The following LPA variants were observed in gnomAD, a reference collection of about 807,000 sequenced individuals.
The protein encoded by LPA is apolipoprotein(a).
In LPA, 199 loss-of-function variants were observed where a neutral mutation model predicts 197.9. The ratio of observed to expected loss-of-function variants is 1.01; its 90% CI spans 0.90 to 1.13. The LOEUF (loss-of-function observed/expected upper bound fraction) is 1.13, where lower values mean the gene tolerates loss of function less well. Among genes scored for constraint, LPA ranks in the 50% most tolerant of loss-of-function variants. The pLI is 0.00. For synonymous variants in LPA, 715 were observed against 639.5 expected (o/e 1.12, Z -1.78); for missense variants, 1,853 against 1,785.8 (o/e 1.04, Z -0.68).
At chr6:160,607,294 T>G (rs540160459) in intron 16 of LPA, among the ~76,000 whole-genome samples, 4 of 152,274 alleles carry the variant, frequency 2.6e-5, no homozygotes, top group African/African-American at 9.6e-5. Context: ...TCTGCAAGAC[T>G]TCTCAAAGCT....
chr6:160,555,916 T>A (rs1778255015), intron 30 of LPA, 109 bp downstream of exon 30: 1 of 1,096,522 alleles, frequency 9.1e-7, no homozygotes, highest in African/African-American at 1.6e-5. Flanking sequence ...TTGACACACC[T>A]TCTGGGTCTA....
chr6:160,661,633 A>G (rs776230606), intron 1 of LPA, among the ~76,000 whole-genome samples: 1 of 152,188 alleles, frequency 6.6e-6, no homozygotes, highest in Admixed American at 6.5e-5. Flanking sequence ...AATATGCTCT[A>G]TGCTGGAAAA....
chr6:160,537,518 G>A (rs1186254782), intron 37 of LPA, among the ~76,000 whole-genome samples: 1 of 152,154 alleles, frequency 6.6e-6, no homozygotes, highest in Non-Finnish European at 1.5e-5. Context: ...CCACTTACCT[G>A]GGGAAGCAAT....
intron 26 of LPA, 60 bp downstream of exon 26, chr6:160,584,986 C>T: frequency 6.4e-7 from 1 of 1,563,032 alleles, no homozygotes; most frequent in Non-Finnish European, 8.8e-7. Context: ...GTAGCATGGG[C>T]CAGCTAAGAG....
At chr6:160,569,096 T>C (rs1778515834) in intron 28 of LPA, among the ~76,000 whole-genome samples, 1 of 152,210 alleles carries the variant, frequency 6.6e-6, no homozygotes, top group Admixed American at 6.5e-5. Flanking sequence ...CCCATCAAGC[T>C]ACCAATGACT....
At chr6:160,583,158 T>A (rs1218274267) in intron 26 of LPA, among the ~76,000 whole-genome samples, 1 of 152,178 alleles carries the variant, frequency 6.6e-6, no homozygotes, top group East Asian at 1.9e-4. Context: ...TTCTGTTATT[T>A]TTATCATTTT....
At chr6:160,594,854 G>T (rs1779099065) in intron 21 of LPA, among the ~76,000 whole-genome samples, 1 of 152,198 alleles carries the variant, frequency 6.6e-6, no homozygotes, top group South Asian at 2.1e-4. Flanking sequence ...TGGAGCATTT[G>T]TTGGCTATGT....
intron 24 of LPA, 59 bp from the exon 25 acceptor site, chr6:160,586,689 G>A (rs916211499): frequency 1.4e-5 from 22 of 1,609,350 alleles, no homozygotes; most frequent in Admixed American, 3.3e-5. Flanking sequence ...GCACCACCTG[G>A]CACCCTCTAT....
intron 28 of LPA, among the ~76,000 whole-genome samples, chr6:160,573,022 A>G (rs1284317136): frequency 6.6e-6 from 1 of 152,106 alleles, no homozygotes; most frequent in Non-Finnish European, 1.5e-5. Context: ...TCCCCCAAAT[A>G]TGTTTTCCAA....
intron 16 of LPA, among the ~76,000 whole-genome samples, chr6:160,610,786 T>C (rs774030162): frequency 6.6e-6 from 1 of 152,076 alleles, no homozygotes; most frequent in Non-Finnish European, 1.5e-5. Flanking sequence ...GCAGGAAGGG[T>C]ATCCAGGAAG....
At chr6:160,571,996 C>T (rs1778571187) in intron 28 of LPA, among the ~76,000 whole-genome samples, 1 of 152,206 alleles carries the variant, frequency 6.6e-6, no homozygotes, top group Non-Finnish European at 1.5e-5. Flanking sequence ...ATCCAGGGCC[C>T]TGGTGGTGTA....
intron 28 of LPA, among the ~76,000 whole-genome samples, chr6:160,576,686 GTGTGTA>G (rs1334970320): frequency 0.12 from 14,050 of 121,584 alleles, 707 homozygotes; most frequent in African/African-American, 0.13. Flanking sequence ...GTGTGTGTGT[GTGTGTA>G]TATATATATA....
chr6:160,647,425 T>G (rs1211206852), intron 2 of LPA, among the ~76,000 whole-genome samples: 1 of 152,126 alleles, frequency 6.6e-6, no homozygotes, highest in African/African-American at 2.4e-5. Context: ...TTATGGGCCA[T>G]GGGGATCCAA....
At chr6:160,653,974 A>T (rs112061390) in intron 1 of LPA, among the ~76,000 whole-genome samples, 1,324 of 16,272 alleles carry the variant, frequency 0.081, 218 homozygotes, top group African/African-American at 0.25. Flanking sequence ...TATTATATAT[A>T]ATATATAATA....
chr6:160,587,003 T>C (rs1325394697), intron 24 of LPA, among the ~76,000 whole-genome samples: 2 of 152,236 alleles, frequency 1.3e-5, no homozygotes, highest in African/African-American at 4.8e-5. Flanking sequence ...CAAATGTTTA[T>C]CTGTCAGGCT....
chr6:160,610,100 G>T (rs191690882), intron 16 of LPA, among the ~76,000 whole-genome samples: 1 of 151,604 alleles, frequency 6.6e-6, no homozygotes, highest in Non-Finnish European at 1.5e-5. Context: ...TCTAATTATC[G>T]ATGTCATTTC....
At chr6:160,661,197 A>T (rs78842012) in intron 1 of LPA, among the ~76,000 whole-genome samples, 4,054 of 101,554 alleles carry the variant, frequency 0.04, no homozygotes, top group African/African-American at 0.099. Context: ...AAAGAGGCTA[A>T]TAAAATGAAG....
At chr6:160,611,039 T>G (rs1479734176) in intron 16 of LPA, among the ~76,000 whole-genome samples, 1 of 152,138 alleles carries the variant, frequency 6.6e-6, no homozygotes, top group African/African-American at 2.4e-5. Flanking sequence ...GATCTTCTCT[T>G]GCTGGGAACC....
At chr6:160,579,006 C>A (rs1433840596) in intron 26 of LPA, among the ~76,000 whole-genome samples, 2 of 152,126 alleles carry the variant, frequency 1.3e-5, no homozygotes, top group Non-Finnish European at 2.9e-5. Flanking sequence ...CACCTTCTGC[C>A]AAATACTTTC....
Sources: gnomAD v4.1 joint callset for allele counts (sites outside exome capture counted in the v4.1 genomes callset) on GRCh38, gnomAD v4.1.1 for gene constraint, MANE v1.5 for transcripts, NCBI Gene and HGNC (gene_info 2026-07-23, HGNC 2026-07-21) for gene names.